The following PCDHA8 variants were observed in gnomAD, a reference collection of about 807,000 sequenced individuals.
The protein encoded by PCDHA8 is protocadherin alpha-8.
PCDHA8 carries 53 observed loss-of-function variants against 61.8 expected under a neutral mutation model. The observed-to-expected ratio is 0.86, with a 90% CI of 0.69 to 1.08. PCDHA8 has a LOEUF of 1.08. Among genes scored for constraint, PCDHA8 ranks in the 50% least tolerant of loss-of-function variants. The pLI is 0.00. For synonymous variants in PCDHA8, 618 were observed against 556.6 expected (o/e 1.11, Z -1.55); for missense variants, 1,293 against 1,245.0 (o/e 1.04, Z -0.58).
intron 1 of PCDHA8, among the ~76,000 whole-genome samples, chr5:140,899,326 T>G (rs1203153086): frequency 6.6e-6 from 1 of 152,230 alleles, no homozygotes; most frequent in Non-Finnish European, 1.5e-5. Flanking sequence ...TGGCTGTGGG[T>G]TTGTCATAGA....
chr5:141,009,634 G>A lies in PCDHA8; in HGVS notation c.2550G>A (p.Glu850=). The change falls in exon 4 of 4, where the codon GAG becomes GAA. Residue 850 remains glutamate (E), a synonymous_variant. Transcript: ENST00000531613. Reference sequence around the variant, plus strand: ...TAATGTTTTGTCTTTCAGAACCAGAGGCAGGAGAAGTGTCCCCTCCAGTCG... The same window carrying A: ...TAATGTTTTGTCTTTCAGAACCAGAAGCAGGAGAAGTGTCCCCTCCAGTCG... The part of the protein sequence containing the change: ...PTVSSATPEP[E]AGEVSPPVGA... The A allele has an allele frequency of 6.2e-7, 1 of 1,613,116 alleles. No individual in the cohort carries two copies. The highest frequency in any genetic ancestry group is 8.5e-7 in the Non-Finnish European group (1 of 1,179,406).
At chr5:140,852,705 T>C in intron 1 of PCDHA8, 1 of 979,478 alleles carries the variant, frequency 1.0e-6, no homozygotes, top group Non-Finnish European at 1.2e-6. Context: ...TTCAAGTATC[T>C]TTGTCTTTGC....
intron 1 of PCDHA8, chr5:140,850,513 G>C (rs782718204): frequency 2.5e-6 from 4 of 1,598,108 alleles, no homozygotes; most frequent in Non-Finnish European, 2.6e-6. Flanking sequence ...GTGGAGAGCG[G>C]CCAGGCGCCA....
At chr5:140,850,114 C>A (rs2150468329) in intron 1 of PCDHA8, 7 of 1,595,992 alleles carry the variant, frequency 4.4e-6, no homozygotes, top group Non-Finnish European at 5.1e-6. Flanking sequence ...GCGCGCGACG[C>A]GGGCGTGCCG....
chr5:140,911,974 A>C (rs1471523711), intron 1 of PCDHA8, among the ~76,000 whole-genome samples: 3 of 152,212 alleles, frequency 2.0e-5, no homozygotes, highest in African/African-American at 4.8e-5. Flanking sequence ...GTATTAACTC[A>C]CATGATCACA....
At chr5:140,887,930 A>G (rs1276226662) in intron 1 of PCDHA8, among the ~76,000 whole-genome samples, 1 of 152,096 alleles carries the variant, frequency 6.6e-6, no homozygotes, top group Non-Finnish European at 1.5e-5. Context: ...CAGAGACCAT[A>G]TTTATTTCTT....
chr5:141,011,221 A>G lies in PCDHA8; in HGVS notation c.*1284A>G, dbSNP rs1392607276. On this transcript the variant is annotated 3_prime_UTR_variant, in exon 4 of 4. Coordinates refer to ENST00000531613, the MANE Select transcript of PCDHA8 (RefSeq NM_018911.3). ...TCTCATACAGTGAGCAGATTTTTCA[A>G]TCTACTAATTCTGTGACTTGTCTTG... is the stretch of plus-strand genomic sequence containing the variant. The G allele has an allele frequency of 1.3e-5, 2 of 153,780 alleles. No individual in the cohort carries two copies. The highest frequency in any genetic ancestry group is 4.8e-5 in the African/African-American group (2 of 41,464). 9.5% of individuals were successfully genotyped at this position (153,780 alleles called of 1,614,324 possible).
intron 1 of PCDHA8, chr5:140,852,024 C>T (rs1554145640): frequency 4.2e-6 from 4 of 949,416 alleles, no homozygotes; most frequent in East Asian, 1.1e-4. Flanking sequence ...TTAAAAACTT[C>T]GCTTATTGAG....
At chr5:140,941,063 TG>T (rs1554213711) in intron 1 of PCDHA8, among the ~76,000 whole-genome samples, 2 of 152,194 alleles carry the variant, frequency 1.3e-5, no homozygotes, top group East Asian at 3.8e-4. Context: ...AGCAGTTTTC[TG>T]GGCTGGAGAG....
chr5:140,870,344 G>A (rs782661960), intron 1 of PCDHA8: 1 of 1,614,196 alleles, frequency 6.2e-7, no homozygotes, highest in Admixed American at 1.7e-5. Flanking sequence ...GCCCTGGACC[G>A]CGAGAACGTG....
At position 140,841,507 on chromosome 5, in the gene PCDHA8, C is replaced by T; in HGVS notation, c.186C>T (p.Arg62=). Reference sequence around the variant, plus strand: ...TGGAGCTGGCGGAGCTGGTGCCGCGCCTGTTCCGGGTGGCGTCCAAAAGAC... The same window carrying T: ...TGGAGCTGGCGGAGCTGGTGCCGCGTCTGTTCCGGGTGGCGTCCAAAAGAC... ...LGLELAELVP[R]LFRVASKRHR... is the part of the protein sequence containing the mutation. Residue 62 remains arginine, a synonymous_variant, in exon 1 of 4, where the codon CGC becomes CGT. Transcript: ENST00000531613. The T allele has an allele frequency of 1.2e-6, 2 of 1,613,396 alleles. No individual in the cohort carries two copies. Among genetic ancestry groups the T allele is most frequent in the South Asian group, 1.1e-5 (1 of 91,040 alleles).
intron 1 of PCDHA8, chr5:140,929,822 A>G (rs1554207413): frequency 1.9e-5 from 3 of 157,286 alleles, no homozygotes; most frequent in African/African-American, 2.4e-5. Flanking sequence ...GAAAGGGAAC[A>G]TAAGAGAACA....
At chr5:140,849,302 A>T in intron 1 of PCDHA8, 3 of 1,281,278 alleles carry the variant, frequency 2.3e-6, no homozygotes, top group Non-Finnish European at 3.2e-6. Context: ...CCTCAGATTT[A>T]GACGAAGGCT....
intron 3 of PCDHA8, among the ~76,000 whole-genome samples, chr5:140,996,121 G>A (rs2097712758): frequency 6.6e-6 from 1 of 152,212 alleles, no homozygotes; most frequent in Admixed American, 6.5e-5. Flanking sequence ...GTGCAGGGTG[G>A]TGTAGAGGGT....
chr5:140,978,911 T>C, intron 1 of PCDHA8, 38 bp from the exon 2 acceptor site: 1 of 1,613,856 alleles, frequency 6.2e-7, no homozygotes, highest in Non-Finnish European at 8.5e-7. Context: ...AACATTGTCT[T>C]GTCATTTTAA....
rs183950754 is a variant in PCDHA8, at chr5:140,960,187, T to G, written c.2395-18762T>G. On this transcript the variant is annotated intron_variant, in intron 1 of 3. Coordinates refer to ENST00000531613, the MANE Select transcript of PCDHA8 (RefSeq NM_018911.3). ...CAATTCTTAAGTTAGGGGTTGCATG[T>G]GTAGTGGTCAGATGTTATTTCAGGA... 3.5e-3 allele frequency among the ~76,000 whole-genome samples: 529 copies of G among 152,196 alleles called. 22 individuals are homozygous for G. Among genetic ancestry groups the G allele is most frequent in the Admixed American group, 0.032 (493 of 15,274 alleles).
intron 1 of PCDHA8, chr5:140,848,033 C>T (rs1781291079): frequency 6.3e-6 from 1 of 158,434 alleles, no homozygotes; most frequent in Non-Finnish European, 1.4e-5. Flanking sequence ...CGTGATTGCT[C>T]AATGGAATCA....
At chr5:140,886,860 C>T (rs1363871264) in intron 1 of PCDHA8, among the ~76,000 whole-genome samples, 1 of 151,304 alleles carries the variant, frequency 6.6e-6, no homozygotes, top group East Asian at 1.9e-4. Flanking sequence ...AAGGTCTTCC[C>T]AACTCCTATA....
At chr5:141,004,412 A>G (rs2098165544) in intron 3 of PCDHA8, among the ~76,000 whole-genome samples, 1 of 152,164 alleles carries the variant, frequency 6.6e-6, no homozygotes, top group South Asian at 2.1e-4. Flanking sequence ...ACCTGACTAG[A>G]TCTCTGCCTC....
Sources: gnomAD v4.1 joint callset for allele counts (sites outside exome capture counted in the v4.1 genomes callset) on GRCh38, gnomAD v4.1.1 for gene constraint, MANE v1.5 for transcripts, NCBI Gene and HGNC (gene_info 2026-07-23, HGNC 2026-07-21) for gene names.